Variants in ARHGAP26 observed in about 807,000 individuals in gnomAD.
The protein encoded by ARHGAP26 is Rho GTPase activating protein 26.
A neutral mutation model predicts 104.8 loss-of-function variants in ARHGAP26; 38 were observed. That is an observed-to-expected ratio of 0.36 (90% CI 0.28 to 0.48). ARHGAP26 has a LOEUF of 0.48. ARHGAP26 is among the 20% of genes least tolerant of loss of function. The pLI, the probability that ARHGAP26 is intolerant of heterozygous loss-of-function variation, is 0.99. For synonymous variants in ARHGAP26, 341 were observed against 340.0 expected, an observed-to-expected ratio of 1.00 and a Z score of -0.03; for missense variants, 704 against 947.9, an observed-to-expected ratio of 0.74 and a Z score of 3.38.
intron 1 of ARHGAP26, among the ~76,000 whole-genome samples, chr5:142,848,271 T>TA (rs1772418301): frequency 6.6e-6 from 1 of 152,216 alleles, no homozygotes. Context: ...GTGAATCTGA[T>TA]ACTCTCTGAG....
chr5:142,872,159 C>T (rs1755412969), intron 1 of ARHGAP26, among the ~76,000 whole-genome samples: 1 of 151,116 alleles, frequency 6.6e-6, no homozygotes, highest in African/African-American at 2.4e-5. Context: ...ATTCAGCATA[C>T]ACTGAGCAGG....
chr5:143,168,550 A>G (rs1332893217), intron 20 of ARHGAP26: 2 of 140,626 alleles, frequency 1.4e-5, no homozygotes, highest in Non-Finnish European at 3.0e-5. Context: ...ATTCTGCATC[A>G]TCCTCTTTGC....
At chr5:142,895,521 C>T (rs895686546) in intron 6 of ARHGAP26, among the ~76,000 whole-genome samples, 4 of 152,288 alleles carry the variant, frequency 2.6e-5, no homozygotes, top group Middle Eastern at 3.4e-3. Context: ...TGAGCCAGCA[C>T]GCCCGACCAA....
intron 17 of ARHGAP26, among the ~76,000 whole-genome samples, chr5:143,087,355 GTATC>G (rs1239942761): frequency 6.6e-6 from 1 of 152,206 alleles, no homozygotes; most frequent in Non-Finnish European, 1.5e-5. Context: ...AAAAGGATGA[GTATC>G]TAACTGTTGT....
chr5:143,205,608 GGCAAGTCCT>G (rs1363623531), intron 20 of ARHGAP26, among the ~76,000 whole-genome samples: 1 of 152,210 alleles, frequency 6.6e-6, no homozygotes, highest in Non-Finnish European at 1.5e-5. Context: ...AGAGGAACAG[GGCAAGTCCT>G]GCTATGTCAG....
At chr5:143,059,818 G>T (rs143446689) in intron 17 of ARHGAP26, among the ~76,000 whole-genome samples, 39 of 152,224 alleles carry the variant, frequency 2.6e-4, no homozygotes, top group African/African-American at 8.7e-4. Context: ...AAATCTACCT[G>T]TAGACAAGCT....
intron 1 of ARHGAP26, among the ~76,000 whole-genome samples, chr5:142,771,823 C>T (rs544359525): frequency 8.5e-5 from 13 of 152,288 alleles, no homozygotes; most frequent in African/African-American, 2.4e-4. Flanking sequence ...TTGCATTCTG[C>T]TTCACTTTTG....
chr5:142,847,376 A>T (rs1421022752), intron 1 of ARHGAP26, among the ~76,000 whole-genome samples: 4 of 149,456 alleles, frequency 2.7e-5, no homozygotes, highest in African/African-American at 7.4e-5. Context: ...TTTTTTTTTG[A>T]GACGGAGTTT....
chr5:142,884,599 A>G (rs1757455879), intron 4 of ARHGAP26, among the ~76,000 whole-genome samples: 1 of 152,166 alleles, frequency 6.6e-6, no homozygotes, highest in Non-Finnish European at 1.5e-5. Flanking sequence ...TTTTCTCTCT[A>G]GTTTTCCAAT....
At chr5:143,088,750 T>TA (rs1224780479) in intron 17 of ARHGAP26, among the ~76,000 whole-genome samples, 1 of 152,232 alleles carries the variant, frequency 6.6e-6, no homozygotes, top group African/African-American at 2.4e-5. Context: ...AAGGGGTTTT[T>TA]ATCCCTGACA....
At chr5:142,938,180 G>T (rs1188436099) in intron 11 of ARHGAP26, among the ~76,000 whole-genome samples, 2 of 151,174 alleles carry the variant, frequency 1.3e-5, no homozygotes, top group Admixed American at 6.6e-5. Flanking sequence ...ATTGGATTAT[G>T]GGGGGGGAAG....
chr5:143,033,829 C>T (rs1782232228), intron 12 of ARHGAP26, among the ~76,000 whole-genome samples: 1 of 152,152 alleles, frequency 6.6e-6, no homozygotes, highest in East Asian at 1.9e-4. Flanking sequence ...ATCTTAAGCA[C>T]CTCTCAAAAG....
At position 143,067,943 on chromosome 5, in the gene ARHGAP26, C is replaced by T. The variant is rs138073070; in HGVS notation, c.1538+10196C>T. ...CTTGGGGAGGCCAAAGCAGGCAGAT[C>T]ACTTGAGGCCGGGAGTTCGAGACCA... On this transcript the variant is annotated intron_variant, in intron 17 of 22. Coordinates refer to ENST00000645722, the MANE Select transcript of ARHGAP26 (RefSeq NM_001135608.3). Among the ~76,000 whole-genome samples the T allele has an allele frequency of 8.5e-4, 130 of 152,290 alleles. 3 individuals carry two copies. In the East Asian group the frequency reaches 0.022, roughly 26 times the overall value.
In ARHGAP26 at chr5:142,818,534, A is replaced by C. The variant is rs79967740; in HGVS notation, c.154+47619A>C. ...TCCTGTCCTTTAATATCATTTAAAA[A>C]AGCAAGGTAGTGAGATGGCTCAGAC... is the stretch of plus-strand genomic sequence containing the variant. On this transcript the variant is annotated intron_variant, in intron 1 of 22. Transcript: ENST00000645722. Among the ~76,000 whole-genome samples the C allele has an allele frequency of 1.6e-3, 248 of 152,300 alleles. 4 individuals carry two copies. Among genetic ancestry groups the C allele is most frequent in the East Asian group, 0.013 (68 of 5,176 alleles).
chr5:143,067,737 G>A (rs1235422093), intron 17 of ARHGAP26, among the ~76,000 whole-genome samples: 1 of 152,158 alleles, frequency 6.6e-6, no homozygotes, highest in African/African-American at 2.4e-5. Context: ...CCTAGAATTG[G>A]GTAGAATAGG....
At position 143,002,894 on chromosome 5, in the gene ARHGAP26, G is replaced by C. The variant is rs1315646599; in HGVS notation, c.1108-11186G>C. Reference sequence around the variant, plus strand: ...CATTTCCTCCTCTTGTTGCTTGCTTGTTACCCAAAATACAGTAGTTCCTTC... The same window carrying C: ...CATTTCCTCCTCTTGTTGCTTGCTTCTTACCCAAAATACAGTAGTTCCTTC... On this transcript the variant is annotated intron_variant, in intron 11 of 22. Transcript: ENST00000645722. Among the ~76,000 whole-genome samples the C allele has an allele frequency of 2.0e-5, 3 of 152,172 alleles. 1 individual carries two copies. Among genetic ancestry groups the C allele is most frequent in the South Asian group, 4.1e-4 (2 of 4,832 alleles).
chr5:143,134,970 T>C (rs1366069371), intron 19 of ARHGAP26, among the ~76,000 whole-genome samples: 1 of 152,266 alleles, frequency 6.6e-6, no homozygotes, highest in Non-Finnish European at 1.5e-5. Context: ...GGATGGTTCA[T>C]TCATGCAGCT....
intron 12 of ARHGAP26, among the ~76,000 whole-genome samples, chr5:143,017,521 G>A (rs186414632): frequency 4.7e-4 from 71 of 152,146 alleles, no homozygotes; most frequent in Non-Finnish European, 6.2e-4. Context: ...TCATTCTTTC[G>A]TTTCATTTTA....
intron 11 of ARHGAP26, among the ~76,000 whole-genome samples, chr5:142,957,986 A>G (rs1275692118): frequency 6.6e-6 from 1 of 152,274 alleles, no homozygotes; most frequent in African/African-American, 2.4e-5. Context: ...ATAATGTTTC[A>G]GTTAAGAATG....
Sources: gnomAD v4.1 joint callset for allele counts (sites outside exome capture counted in the v4.1 genomes callset) on GRCh38, gnomAD v4.1.1 for gene constraint, MANE v1.5 for transcripts, NCBI Gene and HGNC (gene_info 2026-07-23, HGNC 2026-07-21) for gene names.